Variants in COL6A1 observed in about 807,000 individuals in gnomAD.
COL6A1 encodes collagen type VI alpha 1 chain, also known as collagen alpha-1(VI) chain.
Under a neutral mutation model 145.6 loss-of-function variants are expected in COL6A1, and 80 were observed. That is an observed-to-expected ratio of 0.55 (90% CI 0.46 to 0.66). The LOEUF (loss-of-function observed/expected upper bound fraction) is 0.66. COL6A1 is among the 30% of genes least tolerant of loss of function. COL6A1 has a pLI of 0.00. For missense variants in COL6A1, 1,364 were observed against 1,473.8 expected, an observed-to-expected ratio of 0.93 and a Z score of 1.22; for synonymous variants, 638 against 622.8, an observed-to-expected ratio of 1.02 and a Z score of -0.36.
At position 45,983,019 on chromosome 21, in the gene COL6A1, A is replaced by G. The variant is rs542818122; in HGVS notation, c.227+256A>G. Among the ~76,000 whole-genome samples the G allele has an allele frequency of 8.5e-4, 127 of 149,144 alleles. 1 individual carries two copies. Among genetic ancestry groups the G allele is most frequent in the African/African-American group, 3.0e-3 (117 of 38,728 alleles). Reference sequence around the variant, plus strand: ...TTGAGACCCTGCTCGCGGGGGTGGCACCTGTTCAGCAGGGCCGAGGTGACA... The same window carrying G: ...TTGAGACCCTGCTCGCGGGGGTGGCGCCTGTTCAGCAGGGCCGAGGTGACA... On this transcript the variant is annotated intron_variant, in intron 2 of 34. Coordinates refer to ENST00000361866, the MANE Select transcript of COL6A1 (RefSeq NM_001848.3).
At position 46,003,889 on chromosome 21, in the gene COL6A1, C is replaced by A; in HGVS notation, c.2963C>A (p.Thr988Asn). Residue 988 changes from threonine (T) to asparagine (N), a missense_variant, in exon 35 of 35, where the codon ACC (threonine) becomes AAC (asparagine). By Grantham distance (65) the Thr-to-Asn change is moderately conservative. Around this residue, in one of 3 missense-constraint regions of COL6A1, gnomAD observed 938 missense variants for 1,003.8 expected, o/e 0.93. Coordinates refer to ENST00000361866, the MANE Select transcript of COL6A1 (RefSeq NM_001848.3). ...GAGCCCCACATCCGCGTCCTGGTCA[C>A]CGGCAAGACGGCCGAGTACGACGTG... is the stretch of plus-strand genomic sequence containing the variant. ...VNEPHIRVLV[T>N]GKTAEYDVAY... 1 of 1,601,702 alleles carries A rather than the reference C, an allele frequency of 6.2e-7. No homozygotes were observed. Among genetic ancestry groups the A allele is most frequent in the African/African-American group, 1.3e-5 (1 of 74,880 alleles).
At chr21:46,002,766 C>A (rs2077855395) in intron 33 of COL6A1, 56 bp downstream of exon 33, 1 of 1,517,514 alleles carries the variant, frequency 6.6e-7, no homozygotes, top group Non-Finnish European at 9.0e-7. Flanking sequence ...CGCGGGGCCG[C>A]CCGGGCAGTC....
chr21:45,989,535 T>A, intron 9 of COL6A1, 73 bp from the exon 10 acceptor site: 1 of 1,454,088 alleles, frequency 6.9e-7, no homozygotes, highest in Non-Finnish European at 9.6e-7. Flanking sequence ...GAGGGAGGGG[T>A]GTGGGGCTGG....
At position 45,994,077 on chromosome 21, in the gene COL6A1, T is replaced by C; in HGVS notation, c.1336-90T>C. 1 of 1,338,716 alleles carries C rather than the reference T, an allele frequency of 7.5e-7. No individual in the cohort carries two copies. The highest frequency in any genetic ancestry group is 1.0e-6 in the Non-Finnish European group (1 of 953,494). 82.9% of individuals were successfully genotyped at this position (1,338,716 alleles called of 1,614,324 possible). A position where few individuals can be genotyped will look rare whatever the true frequency, so the allele number is the denominator to read the frequency against. The stretch of plus-strand genomic sequence containing the variant: ...AGGCCGGAACAGCCCAGTGACCACC[T>C]GGACAGCATGCTGTGGCTCCCAGCG... On this transcript the variant is annotated intron_variant, in intron 19 of 34. Transcript: ENST00000361866. This position sits in a 1 kb window ranked among gnomAD's most constrained non-coding sequence, Gnocchi z 6.8.
rs201372759 is a variant in COL6A1 at position 45,997,487 on chromosome 21, A to G, written c.1461+4A>G. On this transcript the variant is annotated splice_donor_region_variant and intron_variant, in intron 21 of 34. Coordinates refer to ENST00000361866, the MANE Select transcript of COL6A1 (RefSeq NM_001848.3). ...TGAGGGTCCCCCAGGGTCCGAGGTGAGTCCCACTCCCCACCCACACCCGCC... is the reference window on the plus strand; with the variant it reads ...TGAGGGTCCCCCAGGGTCCGAGGTGGGTCCCACTCCCCACCCACACCCGCC... 54 of 1,604,758 alleles carry G rather than the reference A, an allele frequency of 3.4e-5. 1 individual carries two copies. In the East Asian group the frequency reaches 1.2e-3, roughly 36 times the overall value.
rs561566597 is a variant in COL6A1 at position 45,981,876 on chromosome 21, C to T, written c.26C>T (p.Pro9Leu). Residue 9 changes from proline to leucine, a missense_variant, in exon 1 of 35, where the codon CCC becomes CTC. This residue lies in a region of COL6A1 where 414 missense variants were observed against 437.6 expected (regional missense o/e 0.95). Transcript: ENST00000361866. MRAARALL[P>L]LLLQACWTAA... ...ATGAGGGCGGCCCGTGCTCTGCTGC[C>T]CCTGCTGCTGCAGGCCTGCTGGACA... is the stretch of plus-strand genomic sequence containing the variant. 3 of 1,599,190 alleles carry T rather than the reference C, an allele frequency of 1.9e-6. No individual in the cohort carries two copies. Among genetic ancestry groups the T allele is most frequent in the South Asian group, 2.3e-5 (2 of 88,670 alleles).
rs776819960 is a variant in COL6A1 at position 46,003,830 on chromosome 21, G to C, written c.2904G>C (p.Glu968Asp). ...AGGAAGCCCAGCGGGCAGGCATCGA[G>C]ATCTTCGTGGTGGTCGTGGGCCGCC... Reference protein sequence around the residue: ...AVQEAQRAGIEIFVVVVGRQV... With the variant: ...AVQEAQRAGIDIFVVVVGRQV... The change falls in exon 35 of 35, where the codon GAG (glutamate) becomes GAC (aspartate). Residue 968 changes from glutamate to aspartate, a missense_variant. This residue lies in a region of COL6A1 where 938 missense variants were observed against 1,003.8 expected (regional missense o/e 0.93). Coordinates refer to ENST00000361866, the MANE Select transcript of COL6A1 (RefSeq NM_001848.3). The C allele has an allele frequency of 6.2e-7, 1 of 1,603,800 alleles. No homozygotes were observed. The highest frequency in any genetic ancestry group is 8.5e-7 in the Non-Finnish European group (1 of 1,172,548).
In COL6A1 at chr21:46,003,668, C is replaced by G; in HGVS notation, c.2742C>G (p.Thr914=). The G allele has an allele frequency of 3.1e-6, 5 of 1,613,090 alleles. No individual in the cohort carries two copies. Among genetic ancestry groups the G allele is most frequent in the Non-Finnish European group, 4.2e-6 (5 of 1,179,942 alleles). ...CCATGGACTTTATCAACGACGCCAC[C>G]GACGTCAACGATGCCCTGGGCTATG... is the stretch of plus-strand genomic sequence containing the variant. ...VDAMDFINDA[T]DVNDALGYVT... is the part of the protein sequence containing the mutation. Residue 914 remains threonine (T), a synonymous_variant, in exon 35 of 35, where the codon ACC becomes ACG. Coordinates refer to ENST00000361866, the MANE Select transcript of COL6A1 (RefSeq NM_001848.3).
Position 45,987,064 on chromosome 21 carries a change from G to C in COL6A1, c.709G>C (p.Asp237His), listed in dbSNP as rs1489304991. Residue 237 changes from aspartate to histidine, a missense_variant, in exon 5 of 35, where the codon GAC becomes CAC. Physicochemically the swap from Asp to His is moderately conservative, Grantham distance 81. Around this residue, in one of 3 missense-constraint regions of COL6A1, gnomAD observed 414 missense variants for 437.6 expected, o/e 0.95. Coordinates refer to ENST00000361866, the MANE Select transcript of COL6A1 (RefSeq NM_001848.3). ...CAGCCAGACCATCGACACCATCGTGGACATGATCGTGAGGCCCCTGCCCAG... is the reference window on the plus strand; with the variant it reads ...CAGCCAGACCATCGACACCATCGTGCACATGATCGTGAGGCCCCTGCCCAG... ...AISQTIDTIV[D>H]MIKNNVEQVC... 13 of 1,556,184 alleles carry C rather than the reference G, an allele frequency of 8.4e-6. No individual in the cohort carries two copies. The highest frequency in any genetic ancestry group is 1.1e-5 in the Non-Finnish European group (13 of 1,150,410).
At chr21:46,000,636 G>GGGGGAGGCCGGGGAAGC (rs2077838348) in intron 28 of COL6A1, 123 bp from the exon 29 acceptor site, 1 of 1,371,476 alleles carries the variant, frequency 7.3e-7, no homozygotes, top group Non-Finnish European at 1.0e-6. Context: ...GCCGGGGAAG[G>GGGGGAGGCCGGGGAAGC]GGGGAGGCCG....
At position 45,990,372 on chromosome 21, in the gene COL6A1, TCA is replaced by T. The variant is rs746026745; in HGVS notation, c.958-3_958-2del. ...TGACTCCTGCCTTCGTTTTCCCGCC[TCA>T]CAGGGAGAGAAGGGCAAGCGTGGCA... On this transcript the variant is annotated splice_region_variant and splice_polypyrimidine_tract_variant and intron_variant, in intron 12 of 34. Coordinates refer to ENST00000361866, the MANE Select transcript of COL6A1 (RefSeq NM_001848.3). The T allele has an allele frequency of 1.1e-5, 17 of 1,528,988 alleles. No homozygotes were observed. In the South Asian group the frequency reaches 1.8e-4, roughly 16 times the overall value. 94.7% of individuals were successfully genotyped at this position (1,528,988 alleles called of 1,614,324 possible).
intron 2 of COL6A1, among the ~76,000 whole-genome samples, chr21:45,983,656 T>TC (rs2077721034): frequency 7.0e-6 from 1 of 141,908 alleles, no homozygotes; most frequent in South Asian, 2.2e-4. Flanking sequence ...TGCGGCAGTG[T>TC]TTGGGGGGGG....
intron 21 of COL6A1, 97 bp from the exon 22 acceptor site, chr21:45,997,603 C>A: frequency 6.5e-7 from 1 of 1,535,070 alleles, no homozygotes; most frequent in South Asian, 1.2e-5. Flanking sequence ...GGTGTCCTGG[C>A]TCCCGATGGG....
chr21:46,001,852 T>C (rs2077847460), intron 30 of COL6A1, 109 bp from the exon 31 acceptor site: 1 of 926,328 alleles, frequency 1.1e-6, no homozygotes, highest in South Asian at 1.4e-5. Context: ...CCTGAGGTCC[T>C]GGGGGCCATG....
chr21:45,985,159 GAC>G (rs2123463954), intron 3 of COL6A1, among the ~76,000 whole-genome samples: 1 of 134,722 alleles, frequency 7.4e-6, no homozygotes, highest in African/African-American at 2.6e-5. Flanking sequence ...GCGAAACAGA[GAC>G]AGAAACATAC....
chr21:45,984,218 G>T, intron 2 of COL6A1, 51 bp from the exon 3 acceptor site: 1 of 1,541,018 alleles, frequency 6.5e-7, no homozygotes, highest in Non-Finnish European at 8.8e-7. Flanking sequence ...GACGGGTAGC[G>T]ATGGCGCCAG....
chr21:45,987,772 C>A, intron 8 of COL6A1, 118 bp downstream of exon 8: 1 of 948,608 alleles, frequency 1.1e-6, no homozygotes, highest in Non-Finnish European at 1.5e-6. Context: ...CGGCGGGGGT[C>A]CAGATGGAGG....
intron 23 of COL6A1, 84 bp downstream of exon 23, chr21:45,998,255 G>A (rs796383022): frequency 6.3e-7 from 1 of 1,582,344 alleles, no homozygotes; most frequent in Non-Finnish European, 8.6e-7. Context: ...CTCTTGGGTG[G>A]GCGGGCTGGC....
chr21:46,003,087 G>A, intron 33 of COL6A1, 33 bp from the exon 34 acceptor site: 1 of 1,614,070 alleles, frequency 6.2e-7, no homozygotes, highest in Non-Finnish European at 8.5e-7. Flanking sequence ...GTGGAGCAGT[G>A]GGCTCACACT....
Sources: allele counts gnomAD v4.1 joint callset (sites outside exome capture counted in the v4.1 genomes callset), GRCh38; gene constraint gnomAD v4.1.1; regional missense constraint gnomAD v4.1.1; non-coding constraint Gnocchi (gnomAD v3.1); transcripts MANE v1.5; gene names NCBI Gene and HGNC (gene_info 2026-07-23, HGNC 2026-07-21).